ZMPSTE24: variants seen among roughly 807,000 people sequenced by gnomAD.
The protein encoded by ZMPSTE24 is CAAX prenyl protease 1 homolog.
ZMPSTE24 carries 48 observed loss-of-function variants against 56.7 expected under a neutral mutation model. The ratio of observed to expected loss-of-function variants is 0.85; its 90% CI spans 0.67 to 1.08. The LOEUF is 1.08. Ranked by LOEUF, ZMPSTE24 falls within the 50% of genes least tolerant of loss-of-function variation. ZMPSTE24 has a pLI of 0.00. For missense variants in ZMPSTE24, 503 were observed against 548.7 expected, an observed-to-expected ratio of 0.92 and a Z score of 0.83; for synonymous variants, 172 against 195.2, an observed-to-expected ratio of 0.88 and a Z score of 0.99.
At chr1:40,289,159 T>G (rs981134578) in intron 8 of ZMPSTE24, among the ~76,000 whole-genome samples, 1 of 152,182 alleles carries the variant, frequency 6.6e-6, no homozygotes, top group African/African-American at 2.4e-5. Flanking sequence ...TGTACTAGAG[T>G]ATGAGCCATC....
chr1:40,284,681 G>A (rs1429374804), intron 7 of ZMPSTE24, among the ~76,000 whole-genome samples: 1 of 152,208 alleles, frequency 6.6e-6, no homozygotes, highest in Non-Finnish European at 1.5e-5. Context: ...GAACCCAGGA[G>A]GTGGAGGTTG....
rs541452605 is a variant in ZMPSTE24 at position 40,292,115 on chromosome 1, T to A, written c.1204-330T>A. Reference sequence around the variant, plus strand: ...CTCAGCTTCCCAAAAGTGCTGGGATTACAGGTGTGAGGCACCACACCCGGC... The same window carrying A: ...CTCAGCTTCCCAAAAGTGCTGGGATAACAGGTGTGAGGCACCACACCCGGC... On this transcript the variant is annotated intron_variant, in intron 9 of 9. Transcript: ENST00000372759. Among the ~76,000 whole-genome samples, 99 of 152,270 alleles carry A rather than the reference T, an allele frequency of 6.5e-4. 2 individuals are homozygous for A. In the South Asian group the frequency reaches 0.019, roughly 29 times the overall value.
At chr1:40,268,585 G>A (rs766518709) in intron 4 of ZMPSTE24, 50 bp downstream of exon 4, 12 of 1,226,612 alleles carry the variant, frequency 9.8e-6, no homozygotes, top group African/African-American at 1.5e-5. Flanking sequence ...AAACTTCTGT[G>A]CTTTTGTCCT....
At chr1:40,269,401 A>G (rs1244155211) in intron 4 of ZMPSTE24, among the ~76,000 whole-genome samples, 1 of 152,122 alleles carries the variant, frequency 6.6e-6, no homozygotes, top group Non-Finnish European at 1.5e-5. Context: ...CTCTTAAAAA[A>G]AAAAAAGAAA....
chr1:40,259,083 A>C (rs902919352), intron 1 of ZMPSTE24, among the ~76,000 whole-genome samples: 11 of 152,074 alleles, frequency 7.2e-5, no homozygotes, highest in African/African-American at 1.9e-4. Flanking sequence ...ATTTGAACCC[A>C]GTAGGCGGAG....
chr1:40,290,925 TTTTTA>T lies in ZMPSTE24; in HGVS notation c.1133_1137del (p.Phe378Ter), dbSNP rs1217416700. On this transcript the variant is annotated frameshift_variant, in exon 9 of 10. Coordinates refer to ENST00000372759, the MANE Select transcript of ZMPSTE24 (RefSeq NM_005857.5). LOFTEE classifies it high-confidence loss of function. ...GAAAGGAGCTTTTTGCTGCATTTGG[TTTTTA>T]TGATAGCCAACCCACTCTTATTGGA... is the stretch of plus-strand genomic sequence containing the variant. 3.1e-6 allele frequency: 5 copies of T among 1,613,986 alleles called. No homozygotes were observed. Among genetic ancestry groups the T allele is most frequent in the Non-Finnish European group, 4.2e-6 (5 of 1,179,998 alleles).
At chr1:40,286,071 C>T (rs1289022541) in intron 8 of ZMPSTE24, 42 bp downstream of exon 8, 3 of 1,524,644 alleles carry the variant, frequency 2.0e-6, no homozygotes, top group African/African-American at 2.7e-5. Context: ...GCATGATAGT[C>T]AAATTAGAAC....
At chr1:40,276,587 TA>T (rs1643673485) in intron 6 of ZMPSTE24, among the ~76,000 whole-genome samples, 1 of 152,250 alleles carries the variant, frequency 6.6e-6, no homozygotes, top group Non-Finnish European at 1.5e-5. Context: ...AGTTCTCAAA[TA>T]TGTTACTTCA....
intron 6 of ZMPSTE24, among the ~76,000 whole-genome samples, chr1:40,273,701 C>A (rs1643639955): frequency 7.0e-6 from 1 of 143,650 alleles, no homozygotes; most frequent in Non-Finnish European, 1.5e-5. Context: ...AATAACTACT[C>A]TTTTTTTTTT....
chr1:40,291,900 G>A (rs1024650059), intron 9 of ZMPSTE24, among the ~76,000 whole-genome samples: 2 of 151,022 alleles, frequency 1.3e-5, no homozygotes, highest in African/African-American at 4.9e-5. Flanking sequence ...GAGTGCAGGG[G>A]TGTCATCTTG....
chr1:40,286,301 A>G (rs752841737), intron 8 of ZMPSTE24, among the ~76,000 whole-genome samples: 1 of 152,232 alleles, frequency 6.6e-6, no homozygotes, highest in Non-Finnish European at 1.5e-5. Context: ...CACCTGGAAC[A>G]TGGTGAGTAC....
rs570449005 is a variant in ZMPSTE24, at chr1:40,263,897, A to G, written c.270+2912A>G. The stretch of plus-strand genomic sequence containing the variant: ...TTTCTCTAATATCTCACAGATATCA[A>G]TAAAGGGCCCACTGAAGAAATGGAA... On this transcript the variant is annotated intron_variant, in intron 2 of 9. Coordinates refer to ENST00000372759, the MANE Select transcript of ZMPSTE24 (RefSeq NM_005857.5). 2.6e-5 allele frequency among the ~76,000 whole-genome samples: 4 copies of G among 152,270 alleles called. No homozygotes were observed. In the East Asian group the frequency reaches 5.8e-4, roughly 22 times the overall value.
chr1:40,283,457 A>T (rs954481165), intron 7 of ZMPSTE24, among the ~76,000 whole-genome samples: 1 of 151,850 alleles, frequency 6.6e-6, no homozygotes, highest in African/African-American at 2.4e-5. Flanking sequence ...GTGAACTGAG[A>T]TCCTGCCTCT....
chr1:40,260,709 A>G (rs1039002018), intron 1 of ZMPSTE24, 130 bp from the exon 2 acceptor site: 10 of 869,212 alleles, frequency 1.2e-5, no homozygotes, highest in East Asian at 2.6e-5. Flanking sequence ...ATCAAGTGCA[A>G]TATTTGTGTA....
intron 2 of ZMPSTE24, 56 bp from the exon 3 acceptor site, chr1:40,267,730 C>A: frequency 7.7e-7 from 1 of 1,303,376 alleles, no homozygotes; most frequent in Non-Finnish European, 1.1e-6. Context: ...CATGCTTTCT[C>A]ATATGATAGT....
At chr1:40,270,166 T>G (rs749735361) in intron 5 of ZMPSTE24, 39 bp downstream of exon 5, 1 of 1,608,238 alleles carries the variant, frequency 6.2e-7, no homozygotes, top group Non-Finnish European at 8.5e-7. Flanking sequence ...TTGCAAAAGT[T>G]CCTTGGTGAG....
chr1:40,284,355 T>A (rs917171302), intron 7 of ZMPSTE24, among the ~76,000 whole-genome samples: 1 of 152,136 alleles, frequency 6.6e-6, no homozygotes, highest in African/African-American at 2.4e-5. Context: ...ACTTTCTCTT[T>A]ATATAATTTA....
intron 8 of ZMPSTE24, among the ~76,000 whole-genome samples, chr1:40,289,892 T>G (rs1643823316): frequency 6.6e-6 from 1 of 152,158 alleles, no homozygotes; most frequent in African/African-American, 2.4e-5. Flanking sequence ...GGAGGCGTTG[T>G]ATCTGATTAC....
At chr1:40,287,910 C>A (rs1404945351) in intron 8 of ZMPSTE24, among the ~76,000 whole-genome samples, 3 of 151,950 alleles carry the variant, frequency 2.0e-5, no homozygotes, top group East Asian at 1.9e-4. Flanking sequence ...GGCATGGTGG[C>A]TCATGCCTGT....
Sources: gnomAD v4.1 joint callset for allele counts (sites outside exome capture counted in the v4.1 genomes callset) on GRCh38, gnomAD v4.1.1 for gene constraint, MANE v1.5 for transcripts, NCBI Gene and HGNC (gene_info 2026-07-23, HGNC 2026-07-21) for gene names.